GALNTL6: variants seen among roughly 807,000 people sequenced by gnomAD.
The protein encoded by GALNTL6 is polypeptide N-acetylgalactosaminyltransferase like 6.
GALNTL6 carries 46 observed loss-of-function variants against 73.7 expected under a neutral mutation model. The observed-to-expected ratio is 0.62, with a 90% CI of 0.49 to 0.80. The LOEUF is 0.80. Among genes scored for constraint, GALNTL6 ranks in the 30% least tolerant of loss-of-function variants. The pLI, the probability that GALNTL6 is intolerant of heterozygous loss-of-function variation, is 0.00. For synonymous variants in GALNTL6, 259 were observed against 263.7 expected, an observed-to-expected ratio of 0.98 and a Z score of 0.17; for missense variants, 604 against 755.0, an observed-to-expected ratio of 0.80 and a Z score of 2.34.
chr4:172,653,376 T>C (rs1241221967), intron 5 of GALNTL6, among the ~76,000 whole-genome samples: 2 of 151,904 alleles, frequency 1.3e-5, no homozygotes, highest in Non-Finnish European at 2.9e-5. Context: ...TATGCCACCA[T>C]ACCTGGCTAA....
At chr4:172,918,728 CTGTG>C (rs1015780253) in intron 8 of GALNTL6, among the ~76,000 whole-genome samples, 5 of 152,152 alleles carry the variant, frequency 3.3e-5, no homozygotes, top group Non-Finnish European at 7.3e-5. Context: ...CCTCCAGATG[CTGTG>C]TGTATTATTT....
intron 3 of GALNTL6, among the ~76,000 whole-genome samples, chr4:172,311,090 C>G (rs1014738859): frequency 1.3e-5 from 2 of 152,016 alleles, no homozygotes; most frequent in African/African-American, 4.8e-5. Flanking sequence ...TGTGTCAAAA[C>G]TGTTATATGT....
At chr4:172,430,895 A>G (rs1225550964) in intron 5 of GALNTL6, among the ~76,000 whole-genome samples, 1 of 152,228 alleles carries the variant, frequency 6.6e-6, no homozygotes, top group East Asian at 1.9e-4. Context: ...GCCCTTTGTT[A>G]TTCCAATTCA....
intron 5 of GALNTL6, among the ~76,000 whole-genome samples, chr4:172,677,073 T>A (rs778189990): frequency 1.8e-4 from 28 of 152,178 alleles, no homozygotes; most frequent in Non-Finnish European, 4.4e-5. Flanking sequence ...AAACACCCGG[T>A]CTAGCTAATC....
intron 8 of GALNTL6, among the ~76,000 whole-genome samples, chr4:172,930,273 C>T (rs1377489896): frequency 6.7e-6 from 1 of 149,852 alleles, no homozygotes; most frequent in South Asian, 2.1e-4. Flanking sequence ...AGTGAAACTC[C>T]ATCTCAAAAA....
At chr4:172,596,437 A>T (rs77298574) in intron 5 of GALNTL6, among the ~76,000 whole-genome samples, 4,600 of 142,302 alleles carry the variant, frequency 0.032, 116 homozygotes, top group South Asian at 0.095. Context: ...AGAGGGAGAC[A>T]TTGTCTCTCA....
chr4:172,641,718 A>G (rs974646366), intron 5 of GALNTL6, among the ~76,000 whole-genome samples: 16 of 152,028 alleles, frequency 1.1e-4, no homozygotes, highest in Middle Eastern at 3.2e-3. Context: ...GTAACATATT[A>G]TCAAATTTAC....
intron 5 of GALNTL6, among the ~76,000 whole-genome samples, chr4:172,671,284 A>G (rs543233291): frequency 1.3e-5 from 2 of 152,322 alleles, no homozygotes; most frequent in Non-Finnish European, 2.9e-5. Flanking sequence ...ATCCATGAGC[A>G]TGGAATGTTT....
chr4:172,046,130 G>T (rs1313747256), intron 2 of GALNTL6, among the ~76,000 whole-genome samples: 1 of 151,820 alleles, frequency 6.6e-6, no homozygotes, highest in African/African-American at 2.4e-5. Context: ...TGATTGAGTT[G>T]ATTTCAATCA....
chr4:172,808,676 G>A (rs546939021), intron 5 of GALNTL6, among the ~76,000 whole-genome samples: 69 of 151,940 alleles, frequency 4.5e-4, no homozygotes, highest in African/African-American at 1.6e-3. Context: ...TAAATTATCC[G>A]ATTTGATTTT....
chr4:172,094,349 A>G (rs1732290606), intron 2 of GALNTL6, among the ~76,000 whole-genome samples: 1 of 152,282 alleles, frequency 6.6e-6, no homozygotes, highest in Admixed American at 6.5e-5. Context: ...AGAAATTACA[A>G]TGATTATTTG....
intron 10 of GALNTL6, among the ~76,000 whole-genome samples, chr4:172,982,398 T>C (rs1303377880): frequency 3.3e-5 from 5 of 152,232 alleles, no homozygotes; most frequent in Admixed American, 6.5e-5. Flanking sequence ...TTATTGTCCC[T>C]GGCTAAGCTT....
chr4:172,132,526 G>A (rs922622127), intron 2 of GALNTL6, among the ~76,000 whole-genome samples: 2 of 152,002 alleles, frequency 1.3e-5, no homozygotes, highest in African/African-American at 4.8e-5. Context: ...CTTAAATATT[G>A]TGGTATGTAT....
At chr4:171,847,879 T>G (rs1735416678) in intron 2 of GALNTL6, among the ~76,000 whole-genome samples, 2 of 152,158 alleles carry the variant, frequency 1.3e-5, no homozygotes, top group South Asian at 4.1e-4. Context: ...CCATGAGCAT[T>G]GGAATCAATT....
intron 5 of GALNTL6, among the ~76,000 whole-genome samples, chr4:172,679,887 T>C (rs925093141): frequency 5.9e-5 from 9 of 152,178 alleles, no homozygotes; most frequent in Non-Finnish European, 1.0e-4. Context: ...CCAATAATTA[T>C]ATTCTTTTCC....
intron 7 of GALNTL6, among the ~76,000 whole-genome samples, chr4:172,864,020 C>T (rs1253141744): frequency 2.0e-5 from 3 of 152,166 alleles, no homozygotes; most frequent in Admixed American, 1.3e-4. Flanking sequence ...CACAATTCCC[C>T]TGCACATGCT....
At chr4:171,850,035 G>T (rs138819111) in intron 2 of GALNTL6, among the ~76,000 whole-genome samples, 223 of 152,174 alleles carry the variant, frequency 1.5e-3, no homozygotes, top group African/African-American at 4.8e-3. Context: ...GTGCAATCTC[G>T]GCTCACTGCA....
At chr4:172,420,231 G>T (rs1019538406) in intron 5 of GALNTL6, among the ~76,000 whole-genome samples, 1 of 152,170 alleles carries the variant, frequency 6.6e-6, no homozygotes, top group Non-Finnish European at 1.5e-5. Context: ...CATGAATATC[G>T]TGATAACGAG....
At chr4:172,782,914 G>T (rs1296498444) in intron 5 of GALNTL6, among the ~76,000 whole-genome samples, 1 of 152,052 alleles carries the variant, frequency 6.6e-6, no homozygotes, top group Non-Finnish European at 1.5e-5. Context: ...ACTTTTCGAA[G>T]AGCTTGTTAT....
Sources: allele counts gnomAD v4.1 joint callset (sites outside exome capture counted in the v4.1 genomes callset), GRCh38; gene constraint gnomAD v4.1.1; transcripts MANE v1.5; gene names NCBI Gene and HGNC (gene_info 2026-07-23, HGNC 2026-07-21).